GABRB3: variants seen among roughly 807,000 people sequenced by gnomAD.
GABRB3 encodes the protein gamma-aminobutyric acid receptor subunit beta-3.
GABRB3 carries 14 observed loss-of-function variants against 52.1 expected under a neutral mutation model. That is an observed-to-expected ratio of 0.27 (90% confidence interval 0.18 to 0.42). GABRB3 has a LOEUF of 0.42. Among genes scored for constraint, GABRB3 ranks in the 10% least tolerant of loss-of-function variants. The probability of loss-of-function intolerance (pLI) is 1.00; values close to 1 mark genes in which losing one functional copy is unlikely to be tolerated. For missense variants in GABRB3, 307 were observed against 609.1 expected (o/e 0.50, Z 5.22); for synonymous variants, 260 against 232.3 (o/e 1.12, Z -1.08).
chr15:26,710,481 C>A (rs555114667), intron 3 of GABRB3, among the ~76,000 whole-genome samples: 1 of 152,222 alleles, frequency 6.6e-6, no homozygotes, highest in African/African-American at 2.4e-5. Flanking sequence ...AGGCTGGTCT[C>A]GAACTCCTAA....
chr15:26,724,301 A>T (rs1889716090), intron 3 of GABRB3, among the ~76,000 whole-genome samples: 1 of 152,110 alleles, frequency 6.6e-6, no homozygotes, highest in Non-Finnish European at 1.5e-5. Context: ...ACCCCCAACC[A>T]GTTGAATGAA....
intron 3 of GABRB3, among the ~76,000 whole-genome samples, chr15:26,749,090 C>T (rs1191995522): frequency 1.3e-5 from 2 of 151,994 alleles, no homozygotes; most frequent in African/African-American, 4.8e-5. Context: ...TTGTTTTGAT[C>T]TACCTTTACT....
At chr15:26,716,245 C>T (rs1471284463) in intron 3 of GABRB3, among the ~76,000 whole-genome samples, 4 of 152,162 alleles carry the variant, frequency 2.6e-5, no homozygotes, top group African/African-American at 9.7e-5. Flanking sequence ...TCCCACTGAA[C>T]GTGGCTGTGT....
intron 3 of GABRB3, among the ~76,000 whole-genome samples, chr15:26,649,405 C>G (rs1157905414): frequency 6.6e-6 from 1 of 152,196 alleles, no homozygotes; most frequent in East Asian, 1.9e-4. Context: ...CCTCACCAGA[C>G]ACTAAACCTA....
rs189737922 is a variant in GABRB3 at position 26,600,250 on chromosome 15, A to G, written c.462-16836T>C. Among the ~76,000 whole-genome samples the G allele has an allele frequency of 8.9e-3, 1,354 of 152,200 alleles. 12 individuals are homozygous for G. Among genetic ancestry groups the G allele is most frequent in the Middle Eastern group, 0.024 (7 of 294 alleles). ...AGAAAGCTTCTGGGTATCATAGAACATCATCAAGAGACTAAACAGTCACAT... is the reference window on the plus strand; with the variant it reads ...AGAAAGCTTCTGGGTATCATAGAACGTCATCAAGAGACTAAACAGTCACAT... On this transcript the variant is annotated intron_variant, in intron 4 of 8. Transcript: ENST00000311550.
chr15:26,563,065 T>C (rs1192112532), intron 7 of GABRB3, among the ~76,000 whole-genome samples: 1 of 152,226 alleles, frequency 6.6e-6, no homozygotes, highest in Non-Finnish European at 1.5e-5. Flanking sequence ...AAGTTTGTAA[T>C]GTTGTTGCCA....
intron 6 of GABRB3, 121 bp from the exon 7 acceptor site, chr15:26,567,854 A>T (rs1293997010): frequency 2.2e-6 from 2 of 914,270 alleles, no homozygotes; most frequent in African/African-American, 3.3e-5. Flanking sequence ...GGGGTGACCC[A>T]CCACCAAGCA....
chr15:26,738,065 T>G (rs1890110491), intron 3 of GABRB3, among the ~76,000 whole-genome samples: 1 of 152,126 alleles, frequency 6.6e-6, no homozygotes, highest in Non-Finnish European at 1.5e-5. Flanking sequence ...GTTTTGTTTT[T>G]TTTGTTGTCG....
At chr15:26,675,700 G>C (rs114857915) in intron 3 of GABRB3, among the ~76,000 whole-genome samples, 2 of 152,164 alleles carry the variant, frequency 1.3e-5, no homozygotes, top group African/African-American at 2.4e-5. Context: ...TGTTGGAGGT[G>C]GGGGGAGGTC....
chr15:26,587,710 T>G (rs1276279814), intron 4 of GABRB3, among the ~76,000 whole-genome samples: 1 of 151,820 alleles, frequency 6.6e-6, no homozygotes, highest in Non-Finnish European at 1.5e-5. Context: ...GAACTGAGAG[T>G]TCAAGCCTAG....
chr15:26,771,347 C>G (rs767775159), intron 3 of GABRB3, among the ~76,000 whole-genome samples: 25 of 152,116 alleles, frequency 1.6e-4, no homozygotes, highest in Admixed American at 1.2e-3. Flanking sequence ...AACTAGCAGG[C>G]ACGCATTTAA....
chr15:26,699,908 A>T (rs1016060122), intron 3 of GABRB3, among the ~76,000 whole-genome samples: 2 of 152,000 alleles, frequency 1.3e-5, no homozygotes, highest in African/African-American at 2.4e-5. Context: ...AAAAGTTTCA[A>T]ATCAATATCC....
At chr15:26,651,648 C>A (rs1887201198) in intron 3 of GABRB3, among the ~76,000 whole-genome samples, 1 of 151,894 alleles carries the variant, frequency 6.6e-6, no homozygotes, top group African/African-American at 2.4e-5. Context: ...ACCTTTTTTT[C>A]TCTTGCCAAA....
rs534621403 is a variant in GABRB3, at chr15:26,551,452, G to A, written c.1081-3318C>T. Among the ~76,000 whole-genome samples the A allele has an allele frequency of 1.0e-3, 155 of 152,246 alleles. 2 individuals are homozygous for A. Among genetic ancestry groups the A allele is most frequent in the Admixed American group, 3.3e-4 (5 of 15,302 alleles). On this transcript the variant is annotated intron_variant, in intron 8 of 8. Transcript: ENST00000311550. The stretch of plus-strand genomic sequence containing the variant: ...TATCTTGAGGTTTTCCTTAAGCCTC[G>A]AGACACACACGGCATGCCCACAGCA...
intron 3 of GABRB3, among the ~76,000 whole-genome samples, chr15:26,748,227 C>A (rs998040530): frequency 6.6e-6 from 1 of 152,110 alleles, no homozygotes; most frequent in Middle Eastern, 3.4e-3. Context: ...ATACTGGTTT[C>A]GTAAAATTAG....
intron 3 of GABRB3, among the ~76,000 whole-genome samples, chr15:26,730,207 C>A (rs1265746470): frequency 6.6e-6 from 1 of 152,118 alleles, no homozygotes; most frequent in Non-Finnish European, 1.5e-5. Context: ...ATCCCATTTC[C>A]TGAAGCCCTG....
intron 3 of GABRB3, among the ~76,000 whole-genome samples, chr15:26,657,501 C>A (rs923285118): frequency 6.6e-6 from 1 of 152,116 alleles, no homozygotes; most frequent in Non-Finnish European, 1.5e-5. Flanking sequence ...CCAATATGCT[C>A]AAGTGTAGGT....
chr15:26,616,916 C>G (rs1892276263), intron 4 of GABRB3, among the ~76,000 whole-genome samples: 1 of 150,932 alleles, frequency 6.6e-6, no homozygotes, highest in Non-Finnish European at 1.5e-5. Flanking sequence ...TTGCTTTTAA[C>G]AAAGACATAC....
intron 3 of GABRB3, among the ~76,000 whole-genome samples, chr15:26,689,262 G>A (rs144742949): frequency 6.6e-6 from 1 of 152,306 alleles, no homozygotes; most frequent in East Asian, 1.9e-4. Flanking sequence ...AAAAGGGACA[G>A]CAAACGTGTA....
Sources: allele counts gnomAD v4.1 joint callset (sites outside exome capture counted in the v4.1 genomes callset), GRCh38; gene constraint gnomAD v4.1.1; transcripts MANE v1.5; gene names NCBI Gene and HGNC (gene_info 2026-07-23, HGNC 2026-07-21).